PIK3R2: variants seen among roughly 807,000 people sequenced by gnomAD.
The protein encoded by PIK3R2 is phosphatidylinositol 3-kinase regulatory subunit beta.
A neutral mutation model predicts 78.5 loss-of-function variants in PIK3R2; 40 were observed. The ratio of observed to expected loss-of-function variants is 0.51; its 90% confidence interval spans 0.40 to 0.66. The LOEUF (loss-of-function observed/expected upper bound fraction) is 0.66. Among genes scored for constraint, PIK3R2 ranks in the 30% least tolerant of loss-of-function variants. The probability of loss-of-function intolerance (pLI) is 0.00; values close to 1 mark genes in which losing one functional copy is unlikely to be tolerated. For synonymous variants in PIK3R2, 473 were observed against 457.7 expected (o/e 1.03, Z -0.43); for missense variants, 880 against 1,026.6 (o/e 0.86, Z 1.95).
intron 11 of PIK3R2, among the ~76,000 whole-genome samples, chr19:18,164,130 AAAT>A (rs1477987633): frequency 2.0e-5 from 3 of 152,238 alleles, no homozygotes; most frequent in South Asian, 2.1e-4. Context: ...CCATCTAAAA[AAAT>A]AATAATAATT....
intron 9 of PIK3R2, 82 bp from the exon 10 acceptor site, chr19:18,162,885 T>G: frequency 7.6e-7 from 1 of 1,323,616 alleles, no homozygotes; most frequent in Non-Finnish European, 1.1e-6. Context: ...GCAGCAAGAC[T>G]CTGTCTCAAA....
Position 18,169,000 on chromosome 19 carries a change from C to G in PIK3R2, c.1980-87C>G. 6.4e-7 allele frequency: 1 copy of G among 1,553,660 alleles called. No individual in the cohort carries two copies. Among genetic ancestry groups the G allele is most frequent in the Non-Finnish European group, 8.8e-7 (1 of 1,137,346 alleles). ...GGAAGGAGTCCCTGGTGGGGTCATC[C>G]GGGACAGGGGAGCACGCGGCCCTGG... On this transcript the variant is annotated intron_variant, in intron 15 of 15. Coordinates refer to ENST00000222254, the MANE Select transcript of PIK3R2 (RefSeq NM_005027.4). The surrounding 1 kb of genome is among the most constrained non-coding windows in gnomAD (Gnocchi z 4.1).
rs962870531 is a variant in PIK3R2 at position 18,168,179 on chromosome 19, A to G, written c.1737-296A>G. Among the ~76,000 whole-genome samples, 3 of 152,080 alleles carry G rather than the reference A, an allele frequency of 2.0e-5. No homozygotes were observed. Among genetic ancestry groups the G allele is most frequent in the African/African-American group, 7.2e-5 (3 of 41,402 alleles). Reference sequence around the variant, plus strand: ...CCTGTGCAAAGGCCAGCAGTGCTGGAGTGAGCCTCTGGTGATGATGAGGGG... The same window carrying G: ...CCTGTGCAAAGGCCAGCAGTGCTGGGGTGAGCCTCTGGTGATGATGAGGGG... On this transcript the variant is annotated intron_variant, in intron 13 of 15. Transcript: ENST00000222254. The surrounding 1 kb of genome is among the most constrained non-coding windows in gnomAD (Gnocchi z 4.1).
At chr19:18,157,293 C>T (rs528289410) in intron 2 of PIK3R2, among the ~76,000 whole-genome samples, 1 of 152,336 alleles carries the variant, frequency 6.6e-6, no homozygotes, top group African/African-American at 2.4e-5. Flanking sequence ...GGGCTCCCAG[C>T]CAGAATCTGC....
rs367996826 is a variant in PIK3R2 at position 18,159,498 on chromosome 19, A to G, written c.323-973A>G. Among the ~76,000 whole-genome samples, 27 of 151,710 alleles carry G rather than the reference A, an allele frequency of 1.8e-4. No individual in the cohort carries two copies. The East Asian group carries it at 4.9e-3, about 27-fold the overall frequency. ...ACTCTGTCACCCAGACTGGAGTGCTATGGCATGATCTCAGCTCACTGCAAC... is the reference window on the plus strand; with the variant it reads ...ACTCTGTCACCCAGACTGGAGTGCTGTGGCATGATCTCAGCTCACTGCAAC... On this transcript the variant is annotated intron_variant, in intron 2 of 15. Transcript: ENST00000222254.
chr19:18,160,754 C>A (rs2043733165), intron 3 of PIK3R2, 165 bp from the exon 4 acceptor site: 1 of 920,816 alleles, frequency 1.1e-6, no homozygotes, highest in Non-Finnish European at 1.7e-6. Flanking sequence ...CATGACCAGG[C>A]CACTGCATGT....
Position 18,169,332 on chromosome 19 carries a change from C to G in PIK3R2, c.*38C>G, listed in dbSNP as rs1054525727. 16 of 1,252,604 alleles carry G rather than the reference C, an allele frequency of 1.3e-5. No homozygotes were observed. The highest frequency in any genetic ancestry group is 3.0e-4 in the Middle Eastern group (1 of 3,334). 77.6% of individuals were successfully genotyped at this position (1,252,604 alleles called of 1,614,324 possible). On this transcript the variant is annotated 3_prime_UTR_variant, in exon 16 of 16. Transcript: ENST00000222254. ...CGCCCCAAGCAGAGCCGCCCCTGGG[C>G]CCGTCTGCGCCGGAGGCTGCGGCGG...
Position 18,169,824 on chromosome 19 carries a change from A to G in PIK3R2, c.*530A>G, listed in dbSNP as rs528168632. 32 of 205,780 alleles carry G rather than the reference A, an allele frequency of 1.6e-4. No homozygotes were observed. The highest frequency in any genetic ancestry group is 7.3e-4 in the African/African-American group (32 of 43,856). 12.7% of individuals were successfully genotyped at this position (205,780 alleles called of 1,614,324 possible). On this transcript the variant is annotated 3_prime_UTR_variant, in exon 16 of 16. Coordinates refer to ENST00000222254, the MANE Select transcript of PIK3R2 (RefSeq NM_005027.4). ...GGCGGGACCCGCCCCACAGACTCCA[A>G]CTTCCCCTCCAAACCCCGAAGTGAA...
chr19:18,160,530 C>G lies in PIK3R2; in HGVS notation c.382C>G (p.Leu128Val), dbSNP rs1483324913. 1 of 1,613,906 alleles carries G rather than the reference C, an allele frequency of 6.2e-7. No individual in the cohort carries two copies. Among genetic ancestry groups the G allele is most frequent in the Admixed American group, 1.7e-5 (1 of 60,006 alleles). ...CCCACCTGATGTGGCTCCCCCTCTT[C>G]TGGTGAAGCTTGTGGAGGCCATTGA... is the stretch of plus-strand genomic sequence containing the variant. Reference protein sequence around the residue: ...FSPPDVAPPLLVKLVEAIERT... With the variant: ...FSPPDVAPPLVVKLVEAIERT... Residue 128 changes from leucine (L) to valine (V), a missense_variant, in exon 3 of 16, where the codon CTG (leucine) becomes GTG (valine). Transcript: ENST00000222254.
rs2147952785 is a variant in PIK3R2 at position 18,162,966 on chromosome 19, G to A, written c.1110-1G>A. ...GTGCCGACACCCCTCTCCTCCCCCA[G>A]GAAAGGCGGGAACAATAAGCTGATC... is the stretch of plus-strand genomic sequence containing the variant. On this transcript the variant is annotated splice_acceptor_variant, in intron 9 of 15. Transcript: ENST00000222254. LOFTEE classifies it high-confidence loss of function. 6.2e-7 allele frequency: 1 copy of A among 1,612,660 alleles called. No individual in the cohort carries two copies. Among genetic ancestry groups the A allele is most frequent in the Non-Finnish European group, 8.5e-7 (1 of 1,179,132 alleles).
chr19:18,168,623 G>A lies in PIK3R2; in HGVS notation c.1808+77G>A. Reference sequence around the variant, plus strand: ...ATTTGGGGTGGGTTTCGAAGAATGAGTAGGAGTTCACCAGGGAGGAAAAGT... The same window carrying A: ...ATTTGGGGTGGGTTTCGAAGAATGAATAGGAGTTCACCAGGGAGGAAAAGT... On this transcript the variant is annotated intron_variant, in intron 14 of 15. Coordinates refer to ENST00000222254, the MANE Select transcript of PIK3R2 (RefSeq NM_005027.4). The surrounding 1 kb of genome is among the most constrained non-coding windows in gnomAD (Gnocchi z 4.1). 1 of 1,006,856 alleles carries A rather than the reference G, an allele frequency of 9.9e-7. No individual in the cohort carries two copies. Among genetic ancestry groups the A allele is most frequent in the South Asian group, 1.3e-5 (1 of 77,852 alleles). The allele number at this position is 1,006,856 out of a possible 1,614,324, so 62.4% of individuals were successfully genotyped here. A position where few individuals can be genotyped will look rare whatever the true frequency, so the allele number is the denominator to read the frequency against.
In PIK3R2 at chr19:18,161,836, A is replaced by G. The variant is rs2043750875; in HGVS notation, c.816-130A>G. ...CTGGCCTCGCACATGTGCCTGTATC[A>G]TCTCCTCCTCCGCCCTGCACATACT... is the stretch of plus-strand genomic sequence containing the variant. On this transcript the variant is annotated intron_variant, in intron 6 of 15. Transcript: ENST00000222254. This position sits in a 1 kb window ranked among gnomAD's most constrained non-coding sequence, Gnocchi z 5.3. 2 of 716,808 alleles carry G rather than the reference A, an allele frequency of 2.8e-6. No individual in the cohort carries two copies. Among genetic ancestry groups the G allele is most frequent in the South Asian group, 1.6e-5 (1 of 61,036 alleles). The allele number at this position is 716,808 out of a possible 1,614,324, so 44.4% of individuals were successfully genotyped here.
intron 1 of PIK3R2, among the ~76,000 whole-genome samples, 186 bp from the exon 2 acceptor site, chr19:18,155,271 C>T (rs1256555793): frequency 6.6e-6 from 1 of 152,034 alleles, no homozygotes; most frequent in Admixed American, 6.6e-5. Context: ...ACTCTACTCC[C>T]AGCAGCTCCA....
At chr19:18,164,619 C>G (rs998210306) in intron 11 of PIK3R2, among the ~76,000 whole-genome samples, 1 of 150,634 alleles carries the variant, frequency 6.6e-6, no homozygotes, top group African/African-American at 2.4e-5. Context: ...TAAGGGTTTT[C>G]TGTCCTCTTT....
chr19:18,159,144 CTTTTTTTTT>C (rs57543686), intron 2 of PIK3R2, among the ~76,000 whole-genome samples: 1 of 50,054 alleles, frequency 2.0e-5, no homozygotes, highest in South Asian at 8.7e-4. Flanking sequence ...GCCTGGCCTC[CTTTTTTTTT>C]TTTTTTTTTT....
rs546295890 is a variant in PIK3R2, at chr19:18,168,964, G to A, written c.1979+68G>A. The A allele has an allele frequency of 4.4e-5, 69 of 1,567,020 alleles. No homozygotes were observed. The African/African-American group carries it at 8.4e-4, about 19-fold the overall frequency. ...AGCTCTCATTGAATGCCTGCCGCGT[G>A]CCAGGCCTTGGGAAGGAGTCCCTGG... On this transcript the variant is annotated intron_variant, in intron 15 of 15. Coordinates refer to ENST00000222254, the MANE Select transcript of PIK3R2 (RefSeq NM_005027.4). The surrounding 1 kb of genome is among the most constrained non-coding windows in gnomAD (Gnocchi z 4.1).
chr19:18,163,415 A>G, intron 11 of PIK3R2, 27 bp downstream of exon 11: 1 of 1,613,312 alleles, frequency 6.2e-7, no homozygotes, highest in Non-Finnish European at 8.5e-7. Context: ...ACATGAGGGA[A>G]ACCGAGACAT....
Position 18,162,565 on chromosome 19 carries a change from C to T in PIK3R2, c.1109+59C>T. ...TCACAGGTCACAGAGACCGGGAGTTCAGAGGGGATAGAACATGTGCGGTTT... is the reference window on the plus strand; with the variant it reads ...TCACAGGTCACAGAGACCGGGAGTTTAGAGGGGATAGAACATGTGCGGTTT... On this transcript the variant is annotated intron_variant, in intron 9 of 15. Transcript: ENST00000222254. 4 of 1,423,478 alleles carry T rather than the reference C, an allele frequency of 2.8e-6. No homozygotes were observed. The South Asian group carries it at 3.5e-5, about 12-fold the overall frequency. 88.2% of individuals were successfully genotyped at this position (1,423,478 alleles called of 1,614,324 possible).
chr19:18,159,150 T>TTTTTTTTTTTTTTTC, intron 2 of PIK3R2, among the ~76,000 whole-genome samples: 2 of 132,696 alleles, frequency 1.5e-5, no homozygotes, highest in African/African-American at 5.6e-5. Flanking sequence ...CCTCCTTTTT[T>TTTTTTTTTTTTTTTC]TTTTTTTTTT....
Sources: gnomAD v4.1 joint callset for allele counts (sites outside exome capture counted in the v4.1 genomes callset) on GRCh38, gnomAD v4.1.1 for gene constraint, Gnocchi (gnomAD v3.1) non-coding constraint, MANE v1.5 for transcripts, NCBI Gene and HGNC (gene_info 2026-07-23, HGNC 2026-07-21) for gene names.